Variants in DENND4C observed in about 807,000 individuals in gnomAD.
DENND4C encodes DENN domain-containing protein 4C.
A neutral mutation model predicts 203.0 loss-of-function variants in DENND4C; 108 were observed. That is an observed-to-expected ratio of 0.53 (90% CI 0.46 to 0.62). The LOEUF (loss-of-function observed/expected upper bound fraction) is 0.62. DENND4C is among the 20% of genes least tolerant of loss of function. DENND4C has a pLI of 0.00. For missense variants in DENND4C, 2,481 were observed against 2,301.2 expected (o/e 1.08, Z -1.60); for synonymous variants, 871 against 792.4 (o/e 1.10, Z -1.67).
intron 4 of DENND4C, 90 bp downstream of exon 4, chr9:19,288,755 A>C: frequency 1.6e-6 from 1 of 629,512 alleles, no homozygotes; most frequent in Non-Finnish European, 2.3e-6. Flanking sequence ...GCTCCCTTAC[A>C]TAGTTTGTAG....
chr9:19,299,957 C>G (rs778093794), intron 8 of DENND4C, among the ~76,000 whole-genome samples: 7 of 152,192 alleles, frequency 4.6e-5, no homozygotes, highest in Admixed American at 1.3e-4. Context: ...GAGCTCAACT[C>G]AAATGGCTGT....
chr9:19,296,238 C>T lies in DENND4C; in HGVS notation c.1032C>T (p.Pro344=). The T allele has an allele frequency of 6.3e-7, 1 of 1,596,938 alleles. No individual in the cohort carries two copies. Among genetic ancestry groups the T allele is most frequent in the Non-Finnish European group, 8.6e-7 (1 of 1,165,436 alleles). The change falls in exon 6 of 33, where the codon CCC becomes CCT. Residue 344 remains proline (P), a synonymous_variant. Transcript: ENST00000434457. Reference sequence around the variant, plus strand: ...CTGTGTCTGGACCACATCCTCTTCCCATTGAAAAGTATGTATAATGATTAG... The same window carrying T: ...CTGTGTCTGGACCACATCCTCTTCCTATTGAAAAGTATGTATAATGATTAG... ...KLSVSGPHPL[P]IEKHISHFMQ...
Position 19,352,428 on chromosome 9 carries a change from G to T in DENND4C, c.4606-62G>T, listed in dbSNP as rs1588973180. 2.1e-6 allele frequency: 3 copies of T among 1,444,942 alleles called. No homozygotes were observed. The East Asian group carries it at 7.0e-5, about 34-fold the overall frequency. 89.5% of individuals were successfully genotyped at this position (1,444,942 alleles called of 1,614,324 possible). ...TAAAAAAAATCCCATTATCTCAAGA[G>T]AATTCCTGTTAAGATTAATTTTTAT... On this transcript the variant is annotated intron_variant, in intron 25 of 32. Transcript: ENST00000434457.
intron 22 of DENND4C, among the ~76,000 whole-genome samples, chr9:19,344,879 G>A (rs574970293): frequency 6.6e-6 from 1 of 152,210 alleles, no homozygotes; most frequent in South Asian, 2.1e-4. Flanking sequence ...CCAGGGTTAG[G>A]GTGTTAGCAT....
intron 1 of DENND4C, among the ~76,000 whole-genome samples, chr9:19,242,431 C>T (rs1394421742): frequency 6.6e-6 from 1 of 152,172 alleles, no homozygotes; most frequent in African/African-American, 2.4e-5. Flanking sequence ...TTTGGATAAT[C>T]AAATACCTCA....
chr9:19,251,214 C>CTT (rs959517198), intron 1 of DENND4C, among the ~76,000 whole-genome samples: 2 of 152,232 alleles, frequency 1.3e-5, no homozygotes, highest in African/African-American at 4.8e-5. Flanking sequence ...CACTCACAGG[C>CTT]TTAACATCAT....
Position 19,276,228 on chromosome 9 carries a change from C to T in DENND4C, c.54C>T (p.Leu18=). The change falls in exon 2 of 33, where the codon CTC becomes CTT. Residue 18 remains leucine, a synonymous_variant. Transcript: ENST00000434457. ...RVTDYFVVAG[L]TDTSTLLDQE... is the part of the protein sequence containing the mutation. ...CAGACTACTTTGTCGTAGCTGGTCTCACTGACACATCTACTCTTTTGGATC... is the reference window on the plus strand; with the variant it reads ...CAGACTACTTTGTCGTAGCTGGTCTTACTGACACATCTACTCTTTTGGATC... 2 of 1,232,106 alleles carry T rather than the reference C, an allele frequency of 1.6e-6. No homozygotes were observed. The highest frequency in any genetic ancestry group is 2.0e-6 in the Non-Finnish European group (2 of 987,920). 76.3% of individuals were successfully genotyped at this position (1,232,106 alleles called of 1,614,324 possible). A position where few individuals can be genotyped will look rare whatever the true frequency, so the allele number is the denominator to read the frequency against.
intron 2 of DENND4C, among the ~76,000 whole-genome samples, chr9:19,277,644 T>TTGTGTGTG (rs61179570): frequency 1.3e-5 from 2 of 149,910 alleles, no homozygotes; most frequent in Admixed American, 6.7e-5. Flanking sequence ...TTTGGATGCT[T>TTGTGTGTG]TGTGTGTGTG....
At chr9:19,323,663 A>G (rs1239688372) in intron 12 of DENND4C, among the ~76,000 whole-genome samples, 1 of 152,228 alleles carries the variant, frequency 6.6e-6, no homozygotes, top group African/African-American at 2.4e-5. Context: ...TTTTAAAAAC[A>G]CAATACAGAA....
chr9:19,338,926 A>T (rs1464438794), intron 20 of DENND4C, among the ~76,000 whole-genome samples: 1 of 152,190 alleles, frequency 6.6e-6, no homozygotes, highest in Non-Finnish European at 1.5e-5. Flanking sequence ...TGACATCTTT[A>T]TACTGTTTTC....
intron 30 of DENND4C, among the ~76,000 whole-genome samples, chr9:19,368,734 A>T (rs1039306228): frequency 6.6e-6 from 1 of 152,236 alleles, no homozygotes; most frequent in East Asian, 1.9e-4. Context: ...CAGGAGGTCA[A>T]GGCTGCAGTG....
rs1267585636 is a variant in DENND4C at position 19,335,118 on chromosome 9, G to A, written c.2589+13G>A. Reference sequence around the variant, plus strand: ...TTATTATAATAAGGTAAGTAGGATCGACATTAGGCAAGATGTGGTGTTTAT... The same window carrying A: ...TTATTATAATAAGGTAAGTAGGATCAACATTAGGCAAGATGTGGTGTTTAT... On this transcript the variant is annotated intron_variant, in intron 18 of 32. Transcript: ENST00000434457. 2.6e-6 allele frequency: 4 copies of A among 1,529,298 alleles called. No individual in the cohort carries two copies. The highest frequency in any genetic ancestry group is 2.7e-5 in the South Asian group (2 of 75,016). The allele number at this position is 1,529,298 out of a possible 1,614,324, so 94.7% of individuals were successfully genotyped here.
At chr9:19,339,305 C>T (rs921032609) in intron 20 of DENND4C, among the ~76,000 whole-genome samples, 4 of 152,136 alleles carry the variant, frequency 2.6e-5, no homozygotes, top group African/African-American at 9.7e-5. Flanking sequence ...GTCAGTTATC[C>T]CAGTGTTCCT....
intron 1 of DENND4C, among the ~76,000 whole-genome samples, chr9:19,241,774 T>C (rs1346916418): frequency 2.0e-5 from 3 of 151,986 alleles, no homozygotes; most frequent in South Asian, 2.1e-4. Context: ...TCTAAGCACA[T>C]TGGGAGGCTG....
At chr9:19,293,496 T>C (rs1339174844) in intron 5 of DENND4C, among the ~76,000 whole-genome samples, 1 of 152,042 alleles carries the variant, frequency 6.6e-6, no homozygotes, top group Non-Finnish European at 1.5e-5. Flanking sequence ...TCTGGGAATG[T>C]GTGTGTAAAG....
Position 19,356,981 on chromosome 9 carries a change from G to T in DENND4C, c.4791G>T (p.Leu1597=). 1 of 1,612,856 alleles carries T rather than the reference G, an allele frequency of 6.2e-7. No individual in the cohort carries two copies. Among genetic ancestry groups the T allele is most frequent in the Non-Finnish European group, 8.5e-7 (1 of 1,179,530 alleles). Reference sequence around the variant, plus strand: ...CCTTTTCCTTATGTAGCTTTTTCCTGAAACCAAGTACCTCTGGTGACAGTT... The same window carrying T: ...CCTTTTCCTTATGTAGCTTTTTCCTTAAACCAAGTACCTCTGGTGACAGTT... ...KDLRGSASFF[L]KPSTSGDSLQ... Residue 1597 remains leucine (L), a synonymous_variant, in exon 27 of 33, where the codon CTG becomes CTT. Coordinates refer to ENST00000434457, the MANE Select transcript of DENND4C (RefSeq NM_001330640.2).
At chr9:19,260,381 T>TGTTATGTTAC (rs1829056977) in intron 1 of DENND4C, among the ~76,000 whole-genome samples, 1 of 135,654 alleles carries the variant, frequency 7.4e-6, no homozygotes, top group Non-Finnish European at 1.6e-5. Context: ...GGTTATGTTA[T>TGTTATGTTAC]GTTATGTTAT....
intron 17 of DENND4C, among the ~76,000 whole-genome samples, chr9:19,333,578 C>G (rs998574022): frequency 6.6e-6 from 1 of 152,122 alleles, no homozygotes; most frequent in African/African-American, 2.4e-5. Context: ...ATAGTTAGCA[C>G]CTTCATCATA....
intron 12 of DENND4C, 121 bp downstream of exon 12, chr9:19,316,960 C>A: frequency 1.1e-6 from 1 of 913,002 alleles, no homozygotes; most frequent in Non-Finnish European, 1.5e-6. Flanking sequence ...ATATAATGAA[C>A]CTCCATGTAT....
Sources: allele counts gnomAD v4.1 joint callset (sites outside exome capture counted in the v4.1 genomes callset), GRCh38; gene constraint gnomAD v4.1.1; transcripts MANE v1.5; gene names NCBI Gene and HGNC (gene_info 2026-07-23, HGNC 2026-07-21).